Variants in PTPRD observed in about 807,000 individuals in gnomAD.
PTPRD encodes the protein receptor-type tyrosine-protein phosphatase delta.
PTPRD carries 34 observed loss-of-function variants against 214.5 expected under a neutral mutation model. The observed-to-expected ratio is 0.16, with a 90% confidence interval of 0.12 to 0.21. PTPRD has a LOEUF of 0.21. Ranked by LOEUF, PTPRD falls within the 10% of genes least tolerant of loss-of-function variation. The pLI, the probability that PTPRD is intolerant of heterozygous loss-of-function variation, is 1.00. For synonymous variants in PTPRD, 1,128 were observed against 845.7 expected (o/e 1.33, Z -5.79); for missense variants, 2,545 against 2,398.7 (o/e 1.06, Z -1.27).
chr9:9,208,100 C>T (rs1401347213), intron 9 of PTPRD, among the ~76,000 whole-genome samples: 7 of 136,494 alleles, frequency 5.1e-5, no homozygotes, highest in Non-Finnish European at 7.6e-5. Flanking sequence ...CTGCAAGCTC[C>T]GCCTCCCGTG....
intron 2 of PTPRD, among the ~76,000 whole-genome samples, chr9:10,409,562 G>C (rs1001762738): frequency 6.6e-6 from 1 of 151,574 alleles, no homozygotes; most frequent in African/African-American, 2.4e-5. Context: ...TACCTTTCTA[G>C]GACATTTATA....
At chr9:8,717,367 C>T (rs762998082) in intron 12 of PTPRD, among the ~76,000 whole-genome samples, 2 of 152,168 alleles carry the variant, frequency 1.3e-5, no homozygotes, top group African/African-American at 4.8e-5. Context: ...AAAGTCAACT[C>T]ATCATGACAT....
intron 3 of PTPRD, among the ~76,000 whole-genome samples, chr9:10,057,972 G>A (rs2097690291): frequency 2.6e-5 from 4 of 152,132 alleles, no homozygotes; most frequent in African/African-American, 9.7e-5. Flanking sequence ...TTTGGAAAGG[G>A]AGAGTTTATT....
intron 5 of PTPRD, among the ~76,000 whole-genome samples, chr9:9,796,259 C>T: frequency 6.6e-6 from 1 of 152,038 alleles, no homozygotes; most frequent in East Asian, 1.9e-4. Flanking sequence ...GATAAACTTG[C>T]TAATACTTCT....
intron 14 of PTPRD, among the ~76,000 whole-genome samples, chr9:8,570,064 T>C (rs2090636515): frequency 6.6e-6 from 1 of 152,104 alleles, no homozygotes; most frequent in South Asian, 2.1e-4. Context: ...CTATGCATCC[T>C]CTTACAACAG....
chr9:9,784,341 G>C (rs531673355), intron 5 of PTPRD, among the ~76,000 whole-genome samples: 15 of 152,044 alleles, frequency 9.9e-5, no homozygotes, highest in African/African-American at 3.6e-4. Flanking sequence ...AAAAAATCTA[G>C]TGACGTAATT....
chr9:9,383,361 G>A (rs2062895924), intron 9 of PTPRD, among the ~76,000 whole-genome samples: 1 of 151,924 alleles, frequency 6.6e-6, no homozygotes, highest in African/African-American at 2.4e-5. Flanking sequence ...TAAACAGATG[G>A]CAGAAAGCAT....
intron 8 of PTPRD, among the ~76,000 whole-genome samples, chr9:9,491,110 T>C (rs1006585885): frequency 6.6e-6 from 1 of 151,800 alleles, no homozygotes; most frequent in South Asian, 2.1e-4. Flanking sequence ...GAAAAAAACA[T>C]TTCATGCAAA....
chr9:9,166,055 G>A (rs2099903099), intron 10 of PTPRD, among the ~76,000 whole-genome samples: 1 of 151,272 alleles, frequency 6.6e-6, no homozygotes, highest in South Asian at 2.1e-4. Flanking sequence ...AAAAAAACCT[G>A]TGGTGACTTT....
intron 11 of PTPRD, among the ~76,000 whole-genome samples, chr9:8,971,769 T>TTA (rs989132727): frequency 3.3e-5 from 5 of 151,452 alleles, no homozygotes; most frequent in African/African-American, 1.2e-4. Flanking sequence ...ATATATTACT[T>TTA]TATTTAATCC....
intron 7 of PTPRD, among the ~76,000 whole-genome samples, chr9:9,594,305 T>C (rs1320180824): frequency 6.6e-6 from 1 of 152,096 alleles, no homozygotes; most frequent in Admixed American, 6.6e-5. Context: ...TCTTTGTTCT[T>C]ATGGCATTTG....
At chr9:9,762,192 G>T (rs2098663940) in intron 6 of PTPRD, among the ~76,000 whole-genome samples, 1 of 152,134 alleles carries the variant, frequency 6.6e-6, no homozygotes, top group Admixed American at 6.6e-5. Flanking sequence ...TTCCCTCTTG[G>T]AAGAATAGTG....
chr9:9,939,904 G>A (rs1040597737), intron 4 of PTPRD, among the ~76,000 whole-genome samples: 3 of 152,210 alleles, frequency 2.0e-5, no homozygotes, highest in African/African-American at 7.2e-5. Context: ...GATCATTCTG[G>A]AATCCACTTT....
chr9:8,358,827 T>C (rs894750634), intron 39 of PTPRD, among the ~76,000 whole-genome samples: 18 of 151,936 alleles, frequency 1.2e-4, no homozygotes, highest in African/African-American at 4.1e-4. Context: ...AAAAATGTAA[T>C]ATAAAATTGA....
chr9:9,725,561 G>C (rs1173579529), intron 7 of PTPRD, among the ~76,000 whole-genome samples: 1 of 152,068 alleles, frequency 6.6e-6, no homozygotes, highest in Non-Finnish European at 1.5e-5. Flanking sequence ...TCTACATTCA[G>C]GGCTTGCTTA....
chr9:9,068,012 C>G (rs571718864), intron 10 of PTPRD, among the ~76,000 whole-genome samples: 2 of 152,322 alleles, frequency 1.3e-5, no homozygotes, highest in South Asian at 4.2e-4. Flanking sequence ...TTCCTAATCT[C>G]TGGCAACACT....
At chr9:8,781,982 T>A (rs1443021255) in intron 11 of PTPRD, among the ~76,000 whole-genome samples, 1 of 152,102 alleles carries the variant, frequency 6.6e-6, no homozygotes. Context: ...CTTTTTTTTT[T>A]TATTTTTCAA....
intron 7 of PTPRD, among the ~76,000 whole-genome samples, chr9:9,722,733 T>C (rs2097983084): frequency 6.6e-6 from 1 of 152,022 alleles, no homozygotes; most frequent in South Asian, 2.1e-4. Flanking sequence ...ACACTTAATA[T>C]CTGACTTTTT....
chr9:9,772,709 T>C (rs1158665171), intron 5 of PTPRD, among the ~76,000 whole-genome samples: 1 of 141,648 alleles, frequency 7.1e-6, no homozygotes, highest in Non-Finnish European at 1.5e-5. Context: ...TTTTTTCATA[T>C]AGCAAGTCTT....
Sources: gnomAD v4.1 joint callset for allele counts (sites outside exome capture counted in the v4.1 genomes callset) on GRCh38, gnomAD v4.1.1 for gene constraint, MANE v1.5 for transcripts, NCBI Gene and HGNC (gene_info 2026-07-23, HGNC 2026-07-21) for gene names.